Variants in CATSPERB observed in about 807,000 individuals in gnomAD.
The protein encoded by CATSPERB is catsper channel auxiliary subunit beta, also known as cation channel sperm-associated auxiliary subunit beta.
A neutral mutation model predicts 128.3 loss-of-function variants in CATSPERB; 93 were observed. The ratio of observed to expected loss-of-function variants is 0.72; its 90% CI spans 0.61 to 0.86. The LOEUF is 0.86. CATSPERB is among the 40% of genes least tolerant of loss of function. The pLI is 0.00. For synonymous variants in CATSPERB, 381 were observed against 448.8 expected (o/e 0.85, Z 1.91); for missense variants, 1,153 against 1,329.5 (o/e 0.87, Z 2.06).
chr14:91,724,536 T>A (rs1896088611), intron 3 of CATSPERB, among the ~76,000 whole-genome samples: 1 of 152,180 alleles, frequency 6.6e-6, no homozygotes, highest in Non-Finnish European at 1.5e-5. Flanking sequence ...TATCATAGAT[T>A]TTTAGACAAT....
Position 91,659,926 on chromosome 14 carries a change from T to A in CATSPERB, c.1343A>T (p.Asp448Val). ...ATGAAAAGTCTTCTTTATGATATCATCATGAAAGTTAGCTATTAATTGAAA... is the reference window on the plus strand; with the variant it reads ...ATGAAAAGTCTTCTTTATGATATCAACATGAAAGTTAGCTATTAATTGAAA... ...NTFQLIANFH[D>V]DIIKKTFHSF... Residue 448 changes from aspartate (D) to valine (V), a missense_variant, in exon 15 of 27, where the codon GAT (aspartate) becomes GTT (valine). Asp to Val is a radical substitution (Grantham distance 152). Coordinates refer to ENST00000256343, the MANE Select transcript of CATSPERB (RefSeq NM_024764.4). The A allele has an allele frequency of 6.2e-7, 1 of 1,603,170 alleles. No individual in the cohort carries two copies. The highest frequency in any genetic ancestry group is 1.1e-5 in the South Asian group (1 of 88,134).
intron 2 of CATSPERB, among the ~76,000 whole-genome samples, chr14:91,725,616 A>C (rs938904742): frequency 6.6e-6 from 1 of 152,226 alleles, no homozygotes; most frequent in Non-Finnish European, 1.5e-5. Context: ...CACTAAAAAA[A>C]GTAACATGTA....
At chr14:91,730,451 T>C (rs1473278212) in intron 1 of CATSPERB, among the ~76,000 whole-genome samples, 3 of 152,026 alleles carry the variant, frequency 2.0e-5, no homozygotes, top group Non-Finnish European at 4.4e-5. Context: ...TGTGAGAAAA[T>C]AAATTTCTGT....
At chr14:91,598,332 C>A (rs1832140082) in intron 22 of CATSPERB, among the ~76,000 whole-genome samples, 1 of 151,506 alleles carries the variant, frequency 6.6e-6, no homozygotes, top group African/African-American at 2.4e-5. Flanking sequence ...CTTTCTTTAG[C>A]AAGAATGTTT....
Position 91,716,849 on chromosome 14 carries a change from T to G in CATSPERB, c.370+2569A>C, listed in dbSNP as rs78595143. On this transcript the variant is annotated intron_variant, in intron 5 of 26. Transcript: ENST00000256343. ...CTTTGGGAAATCGTTTGACAGTTTT[T>G]CTTATAAAGTTAAGCTTATACTTAC... is the stretch of plus-strand genomic sequence containing the variant. Among the ~76,000 whole-genome samples, 742 of 152,232 alleles carry G rather than the reference T, an allele frequency of 4.9e-3. 7 individuals carry two copies. Among genetic ancestry groups the G allele is most frequent in the Non-Finnish European group, 7.6e-3 (514 of 68,006 alleles).
chr14:91,649,257 T>C (rs1197970079), intron 15 of CATSPERB, among the ~76,000 whole-genome samples: 1 of 152,104 alleles, frequency 6.6e-6, no homozygotes, highest in African/African-American at 2.4e-5. Context: ...TTTTCTCTCT[T>C]TCATGTCTAT....
intron 15 of CATSPERB, among the ~76,000 whole-genome samples, chr14:91,649,131 C>CAT (rs774471099): frequency 2.6e-4 from 40 of 152,126 alleles, no homozygotes; most frequent in Non-Finnish European, 4.4e-5. Flanking sequence ...CAGTACCTGG[C>CAT]ATATACGAGG....
intron 15 of CATSPERB, among the ~76,000 whole-genome samples, chr14:91,655,869 C>T (rs1046477671): frequency 6.6e-5 from 10 of 151,946 alleles, no homozygotes; most frequent in African/African-American, 2.4e-4. Context: ...CAGATTTCAG[C>T]CAAAGAAGAT....
chr14:91,689,347 T>C (rs17127496), intron 10 of CATSPERB, among the ~76,000 whole-genome samples: 8,247 of 152,272 alleles, frequency 0.054, 310 homozygotes, highest in East Asian at 0.13. Flanking sequence ...GGTAACGACA[T>C]GCCAGATCTC....
intron 5 of CATSPERB, among the ~76,000 whole-genome samples, chr14:91,713,084 G>A (rs548952597): frequency 4.6e-5 from 7 of 152,242 alleles, no homozygotes; most frequent in Non-Finnish European, 8.8e-5. Flanking sequence ...GTAAATATTT[G>A]GGGCTTTGTA....
At position 91,636,931 on chromosome 14, in the gene CATSPERB, T is replaced by G. The variant is rs113273689; in HGVS notation, c.1588-352A>C. Among the ~76,000 whole-genome samples, 904 of 152,262 alleles carry G rather than the reference T, an allele frequency of 5.9e-3. 7 individuals are homozygous for G. Among genetic ancestry groups the G allele is most frequent in the African/African-American group, 0.021 (868 of 41,548 alleles). On this transcript the variant is annotated intron_variant, in intron 16 of 26. Coordinates refer to ENST00000256343, the MANE Select transcript of CATSPERB (RefSeq NM_024764.4). ...ACTGGGTTCTTATTTGAAGTTTTATTTAGGAAAGGGCCCGTGAAATCCCTG... is the reference window on the plus strand; with the variant it reads ...ACTGGGTTCTTATTTGAAGTTTTATGTAGGAAAGGGCCCGTGAAATCCCTG...
At chr14:91,714,572 T>C (rs1895904111) in intron 5 of CATSPERB, among the ~76,000 whole-genome samples, 1 of 148,270 alleles carries the variant, frequency 6.7e-6, no homozygotes, top group Non-Finnish European at 1.5e-5. Flanking sequence ...TTTTTTTTTT[T>C]TTTTTGAGAT....
At chr14:91,609,612 A>G (rs1052326531) in intron 21 of CATSPERB, among the ~76,000 whole-genome samples, 1 of 152,232 alleles carries the variant, frequency 6.6e-6, no homozygotes, top group Non-Finnish European at 1.5e-5. Flanking sequence ...TTAACTTTTT[A>G]TAATGGATTT....
intron 15 of CATSPERB, among the ~76,000 whole-genome samples, chr14:91,652,011 A>T (rs1489174101): frequency 6.6e-6 from 1 of 152,236 alleles, no homozygotes; most frequent in Non-Finnish European, 1.5e-5. Context: ...ATATCTTCAT[A>T]GCTTTGGGAT....
intron 10 of CATSPERB, among the ~76,000 whole-genome samples, chr14:91,688,711 A>T (rs1408338081): frequency 6.6e-6 from 1 of 151,762 alleles, no homozygotes; most frequent in Non-Finnish European, 1.5e-5. Flanking sequence ...CTATCTTTCA[A>T]TTTTTTCCAT....
rs140970790 is a variant in CATSPERB at position 91,722,206 on chromosome 14, G to A, written c.309+843C>T. Among the ~76,000 whole-genome samples the A allele has an allele frequency of 5.2e-3, 791 of 152,238 alleles. 7 individuals carry two copies. The highest frequency in any genetic ancestry group is 0.018 in the African/African-American group (739 of 41,556). On this transcript the variant is annotated intron_variant, in intron 4 of 26. Transcript: ENST00000256343. ...CCCTGGCCATGTAGCTAAGAAAAATGAAAATATATTTCCACACAAAAATTT... is the reference window on the plus strand; with the variant it reads ...CCCTGGCCATGTAGCTAAGAAAAATAAAAATATATTTCCACACAAAAATTT...
chr14:91,599,076 A>T (rs574306945), intron 22 of CATSPERB, among the ~76,000 whole-genome samples: 52 of 152,196 alleles, frequency 3.4e-4, no homozygotes, highest in African/African-American at 1.2e-3. Flanking sequence ...GATATCAGGG[A>T]TTCATTGGAG....
intron 5 of CATSPERB, among the ~76,000 whole-genome samples, chr14:91,708,446 T>C (rs913750897): frequency 2.0e-5 from 3 of 152,192 alleles, no homozygotes; most frequent in African/African-American, 4.8e-5. Context: ...CTTACCACCA[T>C]AGCAATGAAT....
chr14:91,604,421 A>T, intron 22 of CATSPERB: 4 of 1,226,474 alleles, frequency 3.3e-6, no homozygotes, highest in Non-Finnish European at 4.8e-6. Context: ...TTCAGGTTGC[A>T]TGTTCGTGGA....
Sources: allele counts gnomAD v4.1 joint callset (sites outside exome capture counted in the v4.1 genomes callset), GRCh38; gene constraint gnomAD v4.1.1; transcripts MANE v1.5; gene names NCBI Gene and HGNC (gene_info 2026-07-23, HGNC 2026-07-21).